SMOC2: variants seen among roughly 807,000 people sequenced by gnomAD.
SMOC2 encodes the protein SPARC related modular calcium binding 2, also known as SPARC-related modular calcium-binding protein 2.
A neutral mutation model predicts 61.4 loss-of-function variants in SMOC2; 39 were observed. That is an observed-to-expected ratio of 0.64 (90% CI 0.49 to 0.83). The LOEUF is 0.83. Ranked by LOEUF, SMOC2 falls within the 40% of genes least tolerant of loss-of-function variation. SMOC2 has a pLI of 0.00. For synonymous variants in SMOC2, 247 were observed against 239.9 expected (o/e 1.03, Z -0.27); for missense variants, 556 against 592.9 (o/e 0.94, Z 0.65).
At chr6:168,663,016 T>C (rs1233500193) in intron 11 of SMOC2, among the ~76,000 whole-genome samples, 1 of 152,202 alleles carries the variant, frequency 6.6e-6, no homozygotes, top group Non-Finnish European at 1.5e-5. Context: ...GATAACGAAG[T>C]TGGATCTGAT....
chr6:168,650,003 G>A (rs1045682819), intron 9 of SMOC2, among the ~76,000 whole-genome samples: 1 of 152,284 alleles, frequency 6.6e-6, no homozygotes, highest in Non-Finnish European at 1.5e-5. Context: ...ATTCCTAACC[G>A]GTGGGAGAGG....
intron 2 of SMOC2, 88 bp from the exon 3 acceptor site, chr6:168,526,258 T>C: frequency 8.1e-7 from 1 of 1,228,310 alleles, no homozygotes; most frequent in African/African-American, 1.5e-5. Flanking sequence ...CCTGCCTAAC[T>C]CATGCCTTCA....
rs878867740 is a variant in SMOC2 at position 168,547,185 on chromosome 6, G to A, written c.562+16G>A. The A allele has an allele frequency of 5.0e-6, 8 of 1,613,184 alleles. No individual in the cohort carries two copies. In the South Asian group the frequency reaches 8.8e-5, roughly 18 times the overall value. ...GATGAAGAAGGTGAGCCGGGGTGGGGATTGCACAGTCTGGGTTGGGGAGGA... is the reference window on the plus strand; with the variant it reads ...GATGAAGAAGGTGAGCCGGGGTGGGAATTGCACAGTCTGGGTTGGGGAGGA... On this transcript the variant is annotated intron_variant, in intron 6 of 12. Coordinates refer to ENST00000356284, the MANE Select transcript of SMOC2 (RefSeq NM_001166412.2).
intron 1 of SMOC2, among the ~76,000 whole-genome samples, chr6:168,502,998 C>T (rs1782770980): frequency 6.7e-6 from 1 of 150,012 alleles, no homozygotes; most frequent in Admixed American, 6.6e-5. Context: ...GATCTCCTGA[C>T]CTTGTGATCT....
intron 1 of SMOC2, among the ~76,000 whole-genome samples, chr6:168,451,589 C>G (rs1346745748): frequency 8.6e-6 from 1 of 116,670 alleles, no homozygotes; most frequent in Non-Finnish European, 1.7e-5. Flanking sequence ...CTCTGTCTCT[C>G]TCTGTCTCTG....
intron 4 of SMOC2, among the ~76,000 whole-genome samples, chr6:168,536,321 T>G (rs1488057708): frequency 4.6e-5 from 7 of 152,056 alleles, no homozygotes; most frequent in Non-Finnish European, 8.8e-5. Flanking sequence ...AGGGACGTCT[T>G]GCCTGCTTGG....
At chr6:168,625,360 C>T (rs1222528977) in intron 9 of SMOC2, among the ~76,000 whole-genome samples, 1 of 152,218 alleles carries the variant, frequency 6.6e-6, no homozygotes, top group Non-Finnish European at 1.5e-5. Flanking sequence ...TGTGGGAACG[C>T]TGGAGCAGGT....
At chr6:168,640,335 G>T (rs1786863386) in intron 9 of SMOC2, among the ~76,000 whole-genome samples, 1 of 152,186 alleles carries the variant, frequency 6.6e-6, no homozygotes, top group South Asian at 2.1e-4. Flanking sequence ...CTGGATAAGG[G>T]AAGGGGAAGC....
chr6:168,621,956 A>G (rs1416692123), intron 9 of SMOC2, among the ~76,000 whole-genome samples: 1 of 150,782 alleles, frequency 6.6e-6, no homozygotes, highest in Non-Finnish European at 1.5e-5. Flanking sequence ...AATTTCTCTA[A>G]TGGATTAATC....
At chr6:168,529,271 G>A (rs1783527960) in intron 4 of SMOC2, among the ~76,000 whole-genome samples, 1 of 152,160 alleles carries the variant, frequency 6.6e-6, no homozygotes, top group African/African-American at 2.4e-5. Flanking sequence ...GAGAGTAGAT[G>A]GCCCTTTGCA....
At chr6:168,499,921 A>G (rs1005860329) in intron 1 of SMOC2, among the ~76,000 whole-genome samples, 1 of 152,196 alleles carries the variant, frequency 6.6e-6, no homozygotes, top group Admixed American at 6.5e-5. Flanking sequence ...GAAGATTGTT[A>G]GGTTAAAGGT....
At chr6:168,467,163 A>ACACG (rs1781858395) in intron 1 of SMOC2, among the ~76,000 whole-genome samples, 4 of 143,468 alleles carry the variant, frequency 2.8e-5, no homozygotes, top group African/African-American at 1.2e-4. Context: ...ACACACACAC[A>ACACG]CACACACACA....
chr6:168,565,949 G>A (rs1172760712), intron 7 of SMOC2, among the ~76,000 whole-genome samples: 1 of 152,176 alleles, frequency 6.6e-6, no homozygotes, highest in Non-Finnish European at 1.5e-5. Flanking sequence ...GTCAAATACT[G>A]GCTGAAGACA....
intron 12 of SMOC2, among the ~76,000 whole-genome samples, chr6:168,665,776 G>A (rs1019727280): frequency 5.9e-5 from 9 of 152,046 alleles, no homozygotes; most frequent in African/African-American, 2.2e-4. Context: ...CTTTATCAAG[G>A]GGGAATAAAA....
chr6:168,582,020 C>A (rs144568104), intron 7 of SMOC2, among the ~76,000 whole-genome samples: 2 of 152,192 alleles, frequency 1.3e-5, no homozygotes, highest in African/African-American at 4.8e-5. Flanking sequence ...GGAGTTCTTC[C>A]GAGATTATCT....
chr6:168,518,720 T>C (rs1783220961), intron 2 of SMOC2, among the ~76,000 whole-genome samples: 1 of 149,628 alleles, frequency 6.7e-6, no homozygotes, highest in African/African-American at 2.5e-5. Flanking sequence ...GTGTTATGCT[T>C]ATGTGAGTGT....
chr6:168,544,023 C>T lies in SMOC2; in HGVS notation c.511+351C>T, dbSNP rs1783935516. On this transcript the variant is annotated intron_variant, in intron 5 of 12. Transcript: ENST00000356284. This position sits in a 1 kb window ranked among gnomAD's most constrained non-coding sequence, Gnocchi z 4.1. ...TCTAAACCATTGCAGTTATTGAGGA[C>T]CCTGATAAAGATGCCTCAACTCCTC... Among the ~76,000 whole-genome samples the T allele has an allele frequency of 6.6e-6, 1 of 152,118 alleles. No individual in the cohort carries two copies.
At chr6:168,525,896 G>T (rs987073035) in intron 2 of SMOC2, among the ~76,000 whole-genome samples, 2 of 152,158 alleles carry the variant, frequency 1.3e-5, no homozygotes, top group Non-Finnish European at 2.9e-5. Context: ...GTTTTTAATG[G>T]TGGCATCTAG....
chr6:168,559,765 G>A (rs1303036879), intron 7 of SMOC2, among the ~76,000 whole-genome samples: 2 of 152,054 alleles, frequency 1.3e-5, no homozygotes, highest in South Asian at 4.2e-4. Context: ...GATTTATCTC[G>A]GGTGACTAGT....
Sources: gnomAD v4.1 joint callset for allele counts (sites outside exome capture counted in the v4.1 genomes callset) on GRCh38, gnomAD v4.1.1 for gene constraint, Gnocchi (gnomAD v3.1) non-coding constraint, MANE v1.5 for transcripts, NCBI Gene and HGNC (gene_info 2026-07-23, HGNC 2026-07-21) for gene names.